The following MAN1C1 variants were observed in gnomAD, a reference collection of about 807,000 sequenced individuals.
The protein encoded by MAN1C1 is mannosyl-oligosaccharide 1,2-alpha-mannosidase IC.
MAN1C1 carries 49 observed loss-of-function variants against 71.5 expected under a neutral mutation model. The observed-to-expected ratio is 0.69, with a 90% CI of 0.54 to 0.87. The LOEUF (loss-of-function observed/expected upper bound fraction) is 0.87. Among genes scored for constraint, MAN1C1 ranks in the 40% least tolerant of loss-of-function variants. MAN1C1 has a pLI of 0.00. For missense variants in MAN1C1, 743 were observed against 835.0 expected, an observed-to-expected ratio of 0.89 and a Z score of 1.36; for synonymous variants, 352 against 343.7, an observed-to-expected ratio of 1.02 and a Z score of -0.27.
intron 6 of MAN1C1, 56 bp from the exon 7 acceptor site, chr1:25,763,818 G>A (rs2047392370): frequency 1.4e-6 from 2 of 1,417,868 alleles, no homozygotes; most frequent in South Asian, 1.2e-5. Context: ...AGCAGGCTGG[G>A]TGCAGTCGGC....
intron 2 of MAN1C1, among the ~76,000 whole-genome samples, chr1:25,689,409 A>G (rs1207754784): frequency 6.6e-6 from 1 of 152,184 alleles, no homozygotes; most frequent in Non-Finnish European, 1.5e-5. Flanking sequence ...TGTAAATTGG[A>G]ACTAATGATA....
chr1:25,698,558 A>G (rs905578774), intron 2 of MAN1C1, among the ~76,000 whole-genome samples: 3 of 152,178 alleles, frequency 2.0e-5, no homozygotes, highest in African/African-American at 7.2e-5. Context: ...AGACAGACGC[A>G]TGAATCATAC....
At chr1:25,637,598 ATT>A (rs962136921) in intron 1 of MAN1C1, among the ~76,000 whole-genome samples, 2 of 145,028 alleles carry the variant, frequency 1.4e-5, no homozygotes, top group African/African-American at 2.5e-5. Flanking sequence ...AAAACTATGT[ATT>A]TTTTTTTTTT....
intron 2 of MAN1C1, among the ~76,000 whole-genome samples, chr1:25,697,264 A>G (rs543228601): frequency 1.5e-4 from 23 of 152,264 alleles, no homozygotes; most frequent in African/African-American, 5.3e-4. Flanking sequence ...TGTTCTGAAC[A>G]CTTCATATAA....
intron 1 of MAN1C1, among the ~76,000 whole-genome samples, chr1:25,657,190 G>C (rs2045780525): frequency 6.6e-6 from 1 of 152,200 alleles, no homozygotes; most frequent in Non-Finnish European, 1.5e-5. Context: ...CTTCTAAGGA[G>C]AGCCTGCCAC....
intron 7 of MAN1C1, among the ~76,000 whole-genome samples, chr1:25,767,843 C>T (rs1557800131): frequency 1.5e-5 from 2 of 130,782 alleles, no homozygotes; most frequent in Non-Finnish European, 3.2e-5. Context: ...ACACTACACA[C>T]ACATTACATA....
rs577795954 is a variant in MAN1C1, at chr1:25,729,761, C to T, written c.638-16907C>T. Among the ~76,000 whole-genome samples the T allele has an allele frequency of 1.3e-4, 20 of 152,156 alleles. No individual in the cohort carries two copies. In the East Asian group the frequency reaches 2.9e-3, roughly 22 times the overall value. ...TCTTGACCTCATGATCTGCCCACCT[C>T]GGTCTCCCAAAGTGTTGGGATTACA... On this transcript the variant is annotated intron_variant, in intron 2 of 11. Coordinates refer to ENST00000374332, the MANE Select transcript of MAN1C1 (RefSeq NM_020379.4).
At chr1:25,666,319 A>G (rs2045923994) in intron 1 of MAN1C1, among the ~76,000 whole-genome samples, 1 of 152,116 alleles carries the variant, frequency 6.6e-6, no homozygotes, top group Admixed American at 6.5e-5. Flanking sequence ...TTTTTCACTT[A>G]GTGACTTCAC....
At chr1:25,702,386 G>C (rs2046457605) in intron 2 of MAN1C1, among the ~76,000 whole-genome samples, 1 of 152,214 alleles carries the variant, frequency 6.6e-6, no homozygotes, top group Non-Finnish European at 1.5e-5. Context: ...TCAGTGGAGA[G>C]GCACGCTCCC....
rs2045110219 is a variant in MAN1C1 at position 25,617,126 on chromosome 1, C to T, written c.-672C>T. Among the ~76,000 whole-genome samples the T allele has an allele frequency of 1.3e-5, 2 of 151,940 alleles. No individual in the cohort carries two copies. Among genetic ancestry groups the T allele is most frequent in the African/African-American group, 4.8e-5 (2 of 41,414 alleles). ...GGGGGAAGCCCCCTGCCCCCGCAGG[C>T]TCGGAAGTGCCTGCTCCTGCTCCCT... On this transcript the variant is annotated 5_prime_UTR_variant, in exon 1 of 12. Coordinates refer to ENST00000374332, the MANE Select transcript of MAN1C1 (RefSeq NM_020379.4). The surrounding 1 kb of genome is among the most constrained non-coding windows in gnomAD (Gnocchi z 5.1).
intron 1 of MAN1C1, among the ~76,000 whole-genome samples, chr1:25,635,968 G>C (rs575502385): frequency 6.6e-6 from 1 of 152,124 alleles, no homozygotes; most frequent in African/African-American, 2.4e-5. Flanking sequence ...CCGGGCCTCC[G>C]GGGTGACATC....
rs11585148 is a variant in MAN1C1 at position 25,769,485 on chromosome 1, C to T, written c.1142-2172C>T. 0.1 allele frequency among the ~76,000 whole-genome samples: 15,879 copies of T among 152,150 alleles called. 989 individuals are homozygous for T. The highest frequency in any genetic ancestry group is 0.22 in the East Asian group (1,161 of 5,164). On this transcript the variant is annotated intron_variant, in intron 7 of 11. Coordinates refer to ENST00000374332, the MANE Select transcript of MAN1C1 (RefSeq NM_020379.4). This position sits in a 1 kb window ranked among gnomAD's most constrained non-coding sequence, Gnocchi z 4.8. ...CTGAGAGGCAGCTGCATCTCAACAC[C>T]GCGGACCCTAATGACCTGGCTCCCT...
At chr1:25,680,465 C>A (rs867868867) in intron 1 of MAN1C1, among the ~76,000 whole-genome samples, 3 of 152,128 alleles carry the variant, frequency 2.0e-5, no homozygotes, top group African/African-American at 7.2e-5. Context: ...ACAGTCACTC[C>A]CCATTTCTCC....
rs981291148 is a variant in MAN1C1, at chr1:25,630,054, A to G, written c.540+11717A>G. On this transcript the variant is annotated intron_variant, in intron 1 of 11. Transcript: ENST00000374332. ...AGATTTAAGTCGTTGACTCATCCTG[A>G]GTTTTTTTTGTATAAGATGAGAGAT... 5.3e-5 allele frequency among the ~76,000 whole-genome samples: 8 copies of G among 152,106 alleles called. 1 individual carries two copies. The highest frequency in any genetic ancestry group is 6.8e-3 in the Middle Eastern group (2 of 292).
chr1:25,648,615 C>G (rs1280012680), intron 1 of MAN1C1, among the ~76,000 whole-genome samples: 1 of 152,220 alleles, frequency 6.6e-6, no homozygotes, highest in Non-Finnish European at 1.5e-5. Context: ...GCAGCCTCCC[C>G]AAGAGACAAG....
intron 1 of MAN1C1, among the ~76,000 whole-genome samples, chr1:25,659,739 T>C (rs149876787): frequency 2.0e-5 from 3 of 152,338 alleles, no homozygotes; most frequent in East Asian, 3.9e-4. Flanking sequence ...GAGCCAGTTG[T>C]TAAATTTTCA....
intron 1 of MAN1C1, among the ~76,000 whole-genome samples, chr1:25,673,445 T>C (rs978245814): frequency 1.3e-5 from 2 of 152,202 alleles, no homozygotes; most frequent in Admixed American, 6.5e-5. Flanking sequence ...TACCTCAGTT[T>C]CCTTACCTGA....
At chr1:25,661,709 C>T (rs1290197078) in intron 1 of MAN1C1, among the ~76,000 whole-genome samples, 1 of 152,204 alleles carries the variant, frequency 6.6e-6, no homozygotes. Flanking sequence ...AATGGGATGT[C>T]TCCTCCCAAT....
At chr1:25,774,209 A>G (rs1572212547) in intron 8 of MAN1C1, among the ~76,000 whole-genome samples, 1 of 152,322 alleles carries the variant, frequency 6.6e-6, no homozygotes, top group Non-Finnish European at 1.5e-5. Flanking sequence ...ACCAGTGTCC[A>G]GCTGGGATGG....
Sources: allele counts gnomAD v4.1 joint callset (sites outside exome capture counted in the v4.1 genomes callset), GRCh38; gene constraint gnomAD v4.1.1; non-coding constraint Gnocchi (gnomAD v3.1); transcripts MANE v1.5; gene names NCBI Gene and HGNC (gene_info 2026-07-23, HGNC 2026-07-21).